The following TAFA5 variants were observed in gnomAD, a reference collection of about 807,000 sequenced individuals.
The protein encoded by TAFA5 is chemokine-like protein TAFA-5.
TAFA5 carries 6 observed loss-of-function variants against 15.3 expected under a neutral mutation model. The ratio of observed to expected loss-of-function variants is 0.39; its 90% CI spans 0.21 to 0.77. TAFA5 has a LOEUF of 0.77. TAFA5 is among the 30% of genes least tolerant of loss of function. TAFA5 has a pLI of 0.41. For missense variants in TAFA5, 161 were observed against 193.1 expected (o/e 0.83, Z 0.98); for synonymous variants, 103 against 80.7 (o/e 1.28, Z -1.48).
intron 1 of TAFA5, among the ~76,000 whole-genome samples, chr22:48,548,738 C>T (rs1045525072): frequency 1.2e-4 from 19 of 152,380 alleles, no homozygotes; most frequent in African/African-American, 4.1e-4. Flanking sequence ...CATGGCCAAG[C>T]GCAGCATCAG....
rs1356485552 is a variant in TAFA5, at chr22:48,728,718, C to T, written c.390+20874C>T. Reference sequence around the variant, plus strand: ...TCAGAAAGAATGAACACAACTTAAGCGGGAGGAAAAGCCACCCTTCCCCTC... The same window carrying T: ...TCAGAAAGAATGAACACAACTTAAGTGGGAGGAAAAGCCACCCTTCCCCTC... On this transcript the variant is annotated intron_variant, in intron 3 of 3. Transcript: ENST00000402357. Among the ~76,000 whole-genome samples the T allele has an allele frequency of 5.3e-5, 8 of 152,042 alleles. No homozygotes were observed. The South Asian group carries it at 8.3e-4, about 16-fold the overall frequency.
Position 48,653,053 on chromosome 22 carries a change from C to T in TAFA5, c.262+6307C>T, listed in dbSNP as rs549105715. Among the ~76,000 whole-genome samples the T allele has an allele frequency of 2.0e-5, 3 of 152,344 alleles. No homozygotes were observed. In the South Asian group the frequency reaches 6.2e-4, roughly 32 times the overall value. ...CATTGCCAGCCACTGCATCACGCGACCGTGGTGGGGCTGTCAGGACACATA... is the reference window on the plus strand; with the variant it reads ...CATTGCCAGCCACTGCATCACGCGATCGTGGTGGGGCTGTCAGGACACATA... On this transcript the variant is annotated intron_variant, in intron 2 of 3. Transcript: ENST00000402357.
chr22:48,655,830 CTTTTTT>C (rs1197219539), intron 2 of TAFA5, among the ~76,000 whole-genome samples: 72 of 62,402 alleles, frequency 1.2e-3, no homozygotes, highest in African/African-American at 5.0e-3. Flanking sequence ...AACACTGATT[CTTTTTT>C]TTTTTTTTTT....
intron 2 of TAFA5, among the ~76,000 whole-genome samples, chr22:48,673,141 G>T (rs965134252): frequency 1.3e-5 from 2 of 152,186 alleles, no homozygotes; most frequent in Non-Finnish European, 2.9e-5. Flanking sequence ...CGTTGTTCAA[G>T]TTCTGAGGAA....
At chr22:48,591,804 C>T (rs576373729) in intron 1 of TAFA5, among the ~76,000 whole-genome samples, 1 of 152,266 alleles carries the variant, frequency 6.6e-6, no homozygotes, top group Non-Finnish European at 1.5e-5. Context: ...AGGCACTGGG[C>T]TCGCGGAAGC....
chr22:48,640,304 T>C (rs1926625673), intron 1 of TAFA5, among the ~76,000 whole-genome samples: 1 of 152,000 alleles, frequency 6.6e-6, no homozygotes, highest in Admixed American at 6.5e-5. Flanking sequence ...AGAGCTGGCG[T>C]CTGAGTGGGC....
At chr22:48,569,565 C>G (rs534294581) in intron 1 of TAFA5, among the ~76,000 whole-genome samples, 1 of 152,318 alleles carries the variant, frequency 6.6e-6, no homozygotes, top group South Asian at 2.1e-4. Context: ...CTCACCAGAG[C>G]AACCTCAGCG....
chr22:48,582,306 C>A (rs1377029862), intron 1 of TAFA5, among the ~76,000 whole-genome samples: 1 of 151,976 alleles, frequency 6.6e-6, no homozygotes, highest in Non-Finnish European at 1.5e-5. Context: ...ATACACACCC[C>A]ACACGCAAAA....
At chr22:48,579,846 C>A (rs192577386) in intron 1 of TAFA5, among the ~76,000 whole-genome samples, 27 of 152,292 alleles carry the variant, frequency 1.8e-4, no homozygotes, top group African/African-American at 6.3e-4. Context: ...GGCTTTGGCA[C>A]CCAAAGGGAC....
rs1447748290 is a variant in TAFA5, at chr22:48,656,764, T to A, written c.262+10018T>A. 3.8e-4 allele frequency among the ~76,000 whole-genome samples: 8 copies of A among 21,144 alleles called. No individual in the cohort carries two copies. The South Asian group carries it at 0.013, about 34-fold the overall frequency. The allele number at this position is 21,144 out of a possible 152,430, so 13.9% of individuals were successfully genotyped here. The stretch of plus-strand genomic sequence containing the variant: ...TTTTGAGATGGAGTCTCTTTTTTTT[T>A]TTTTTTTTTTTTTTTTTGAAGATGG... On this transcript the variant is annotated intron_variant, in intron 2 of 3. Coordinates refer to ENST00000402357, the MANE Select transcript of TAFA5 (RefSeq NM_001082967.3).
chr22:48,682,980 A>T (rs1462789727), intron 2 of TAFA5, among the ~76,000 whole-genome samples: 1 of 152,076 alleles, frequency 6.6e-6, no homozygotes, highest in Non-Finnish European at 1.5e-5. Flanking sequence ...TTCACAGCAG[A>T]TTGTTTTTTA....
chr22:48,611,010 T>C (rs1264871474), intron 1 of TAFA5, among the ~76,000 whole-genome samples: 2 of 151,864 alleles, frequency 1.3e-5, no homozygotes, highest in Non-Finnish European at 2.9e-5. Flanking sequence ...CTCGGCTCGC[T>C]GCAACCTCCA....
In TAFA5 at chr22:48,693,195, C is replaced by A. The variant is rs1928597363; in HGVS notation, c.263-14522C>A. 15 of 1,149,454 alleles carry A rather than the reference C, an allele frequency of 1.3e-5. No individual in the cohort carries two copies. The East Asian group carries it at 3.6e-4, about 28-fold the overall frequency. 71.2% of individuals were successfully genotyped at this position (1,149,454 alleles called of 1,614,324 possible). On this transcript the variant is annotated intron_variant, in intron 2 of 3. Coordinates refer to ENST00000402357, the MANE Select transcript of TAFA5 (RefSeq NM_001082967.3). Reference sequence around the variant, plus strand: ...CGTCCTTGTCTGCCTGGAGGGGCCTCAGTGACGGGGCCTCACTCGTCCTCA... The same window carrying A: ...CGTCCTTGTCTGCCTGGAGGGGCCTAAGTGACGGGGCCTCACTCGTCCTCA...
chr22:48,584,531 C>G (rs2147150754), intron 1 of TAFA5, among the ~76,000 whole-genome samples: 1 of 149,086 alleles, frequency 6.7e-6, no homozygotes, highest in East Asian at 2.0e-4. Context: ...ACACACCACA[C>G]AAAATACACA....
intron 1 of TAFA5, among the ~76,000 whole-genome samples, chr22:48,600,733 G>A (rs1351956215): frequency 6.6e-6 from 1 of 152,148 alleles, no homozygotes; most frequent in Non-Finnish European, 1.5e-5. Flanking sequence ...TTCTGCGTAG[G>A]GTGGTGGTGT....
At chr22:48,637,417 G>T (rs763572928) in intron 1 of TAFA5, among the ~76,000 whole-genome samples, 2 of 152,156 alleles carry the variant, frequency 1.3e-5, no homozygotes, top group Non-Finnish European at 1.5e-5. Context: ...TCCTGCTAAC[G>T]CCTCCTCGCC....
At chr22:48,595,324 TCTC>T (rs776127503) in intron 1 of TAFA5, among the ~76,000 whole-genome samples, 5 of 152,208 alleles carry the variant, frequency 3.3e-5, no homozygotes, top group Non-Finnish European at 7.3e-5. Context: ...CCTTCCAGGT[TCTC>T]CTCTTCCCGG....
intron 2 of TAFA5, among the ~76,000 whole-genome samples, chr22:48,677,901 G>A (rs1241831612): frequency 1.3e-5 from 2 of 151,890 alleles, no homozygotes; most frequent in African/African-American, 2.4e-5. Context: ...GGTCCAAGCT[G>A]GAGGCAGCCC....
chr22:48,526,011 A>G (rs1360590077), intron 1 of TAFA5, among the ~76,000 whole-genome samples: 1 of 152,210 alleles, frequency 6.6e-6, no homozygotes, highest in Non-Finnish European at 1.5e-5. Context: ...GAGAATGTGT[A>G]CTGGGCACCA....
Sources: gnomAD v4.1 joint callset for allele counts (sites outside exome capture counted in the v4.1 genomes callset) on GRCh38, gnomAD v4.1.1 for gene constraint, MANE v1.5 for transcripts, NCBI Gene and HGNC (gene_info 2026-07-23, HGNC 2026-07-21) for gene names.